The following POU6F2 variants were observed in gnomAD, a reference collection of about 807,000 sequenced individuals.
The protein encoded by POU6F2 is POU domain, class 6, transcription factor 2.
A neutral mutation model predicts 71.3 loss-of-function variants in POU6F2; 31 were observed. That is an observed-to-expected ratio of 0.43 (90% CI 0.33 to 0.59). The LOEUF is 0.59. Among genes scored for constraint, POU6F2 ranks in the 20% least tolerant of loss-of-function variants. POU6F2 has a pLI of 0.04. For synonymous variants in POU6F2, 347 were observed against 355.7 expected, an observed-to-expected ratio of 0.98 and a Z score of 0.27; for missense variants, 783 against 856.8, an observed-to-expected ratio of 0.91 and a Z score of 1.07.
chr7:38,994,173 A>T (rs1788678965), intron 1 of POU6F2, among the ~76,000 whole-genome samples: 1 of 152,144 alleles, frequency 6.6e-6, no homozygotes, highest in African/African-American at 2.4e-5. Flanking sequence ...GATGTGCCTG[A>T]GTGAATAAAC....
chr7:39,071,017 CTG>C (rs1196483412), intron 1 of POU6F2, among the ~76,000 whole-genome samples: 18 of 152,088 alleles, frequency 1.2e-4, no homozygotes, highest in African/African-American at 4.3e-4. Flanking sequence ...TTTCCATAGA[CTG>C]AGGACAGTTT....
At chr7:39,181,698 C>A (rs1270922797) in intron 2 of POU6F2, among the ~76,000 whole-genome samples, 1 of 152,170 alleles carries the variant, frequency 6.6e-6, no homozygotes, top group Non-Finnish European at 1.5e-5. Flanking sequence ...TAAAACGTCA[C>A]AACCACCCCT....
intron 4 of POU6F2, among the ~76,000 whole-genome samples, chr7:39,290,718 C>A (rs1458250424): frequency 2.0e-5 from 3 of 152,312 alleles, no homozygotes; most frequent in Admixed American, 1.3e-4. Context: ...TTTGCAACCT[C>A]CTGAGATGCT....
intron 1 of POU6F2, among the ~76,000 whole-genome samples, chr7:39,047,193 C>A (rs756938328): frequency 6.6e-6 from 1 of 151,808 alleles, no homozygotes; most frequent in Non-Finnish European, 1.5e-5. Flanking sequence ...TCCAGGCTCT[C>A]TGCATTTATG....
At position 39,460,645 on chromosome 7, in the gene POU6F2, AC is replaced by A. The variant is rs1227587540; in HGVS notation, c.1591del (p.Gln531ArgfsTer27). On this transcript the variant is annotated frameshift_variant, in exon 9 of 10. Transcript: ENST00000518318. LOFTEE classifies it high-confidence loss of function. This position sits in a 1 kb window ranked among gnomAD's most constrained non-coding sequence, Gnocchi z 4.4. ...AATCCGGCGCCTGTCCCTTGGCCTG[AC>A]CCAGACTCAGGTGGGACAGGCTCTC... The part of the protein sequence containing the change: ...FKIRRLSLGL[T>X]QTQVGQALSA... 1 of 1,609,626 alleles carries A rather than the reference AC, an allele frequency of 6.2e-7. No individual in the cohort carries two copies. The highest frequency in any genetic ancestry group is 8.5e-7 in the Non-Finnish European group (1 of 1,177,984).
At chr7:39,455,322 G>A (rs537497226) in intron 8 of POU6F2, among the ~76,000 whole-genome samples, 2 of 152,180 alleles carry the variant, frequency 1.3e-5, no homozygotes, top group South Asian at 2.1e-4. Flanking sequence ...AAACTATAAA[G>A]TGAACTTAAA....
chr7:39,392,761 A>T (rs1787099191), intron 5 of POU6F2, among the ~76,000 whole-genome samples: 1 of 152,234 alleles, frequency 6.6e-6, no homozygotes, highest in Non-Finnish European at 1.5e-5. Context: ...GGAGCTGCTG[A>T]TGCAGGAAGA....
chr7:39,201,655 A>G (rs1793905273), intron 2 of POU6F2, among the ~76,000 whole-genome samples: 2 of 152,188 alleles, frequency 1.3e-5, no homozygotes, highest in Non-Finnish European at 2.9e-5. Context: ...GAGATGTAAC[A>G]TGTTTCCTAG....
At chr7:39,346,107 ACT>A (rs1562798343) in intron 5 of POU6F2, among the ~76,000 whole-genome samples, 1 of 151,910 alleles carries the variant, frequency 6.6e-6, no homozygotes, top group Non-Finnish European at 1.5e-5. Flanking sequence ...CCTTTAAAAA[ACT>A]CTCAGTTCAA....
At chr7:39,076,660 T>G (rs926735472) in intron 1 of POU6F2, among the ~76,000 whole-genome samples, 1 of 152,146 alleles carries the variant, frequency 6.6e-6, no homozygotes, top group Non-Finnish European at 1.5e-5. Flanking sequence ...CACTAAAGAC[T>G]CCATGTAAAA....
At chr7:39,106,641 T>C (rs1367449679) in intron 2 of POU6F2, among the ~76,000 whole-genome samples, 2 of 152,264 alleles carry the variant, frequency 1.3e-5, no homozygotes, top group East Asian at 3.8e-4. Context: ...ATGTTTAAAA[T>C]TGAACATTTT....
intron 4 of POU6F2, among the ~76,000 whole-genome samples, chr7:39,254,066 G>C (rs1216270011): frequency 6.6e-6 from 1 of 152,064 alleles, no homozygotes; most frequent in Non-Finnish European, 1.5e-5. Flanking sequence ...ATGCTACCTC[G>C]TGTCATAATT....
intron 2 of POU6F2, among the ~76,000 whole-genome samples, chr7:39,101,000 T>C (rs983822011): frequency 5.9e-5 from 9 of 152,096 alleles, no homozygotes; most frequent in Admixed American, 3.9e-4. Flanking sequence ...TGACCCGCCT[T>C]TCCACACCAT....
chr7:39,426,039 G>A (rs2237395), intron 6 of POU6F2, among the ~76,000 whole-genome samples: 53,949 of 151,962 alleles, frequency 0.36, 10,963 homozygotes, highest in East Asian at 0.61. Context: ...TTAAAACGCC[G>A]TTAGCAGCCC....
intron 2 of POU6F2, among the ~76,000 whole-genome samples, chr7:39,155,623 T>C (rs1477509945): frequency 6.6e-6 from 1 of 152,190 alleles, no homozygotes; most frequent in Non-Finnish European, 1.5e-5. Context: ...TAAACCAGGT[T>C]CATGTGTATT....
intron 1 of POU6F2, among the ~76,000 whole-genome samples, chr7:39,037,222 C>T (rs1441524269): frequency 6.6e-6 from 1 of 152,050 alleles, no homozygotes; most frequent in Non-Finnish European, 1.5e-5. Context: ...CAAAGCATCC[C>T]TGAATGTGCC....
Position 39,158,438 on chromosome 7 carries a change from T to C in POU6F2, c.278-45797T>C, listed in dbSNP as rs138144422. On this transcript the variant is annotated intron_variant, in intron 2 of 9. Transcript: ENST00000518318. ...GGATATAGAGAAAGATAGACATATG[T>C]GGGTGTATTTATTAGGGGGCTTGGA... is the stretch of plus-strand genomic sequence containing the variant. Among the ~76,000 whole-genome samples, 780 of 152,232 alleles carry C rather than the reference T, an allele frequency of 5.1e-3. 8 individuals carry two copies. Among genetic ancestry groups the C allele is most frequent in the African/African-American group, 0.018 (748 of 41,538 alleles).
chr7:39,015,917 A>G lies in POU6F2; in HGVS notation c.105+37859A>G, dbSNP rs866436615. Among the ~76,000 whole-genome samples, 121 of 45,950 alleles carry G rather than the reference A, an allele frequency of 2.6e-3. 2 individuals are homozygous for G. The highest frequency in any genetic ancestry group is 5.5e-3 in the African/African-American group (69 of 12,634). 30.1% of individuals were successfully genotyped at this position (45,950 alleles called of 152,430 possible). On this transcript the variant is annotated intron_variant, in intron 1 of 9. Coordinates refer to ENST00000518318, the MANE Select transcript of POU6F2 (RefSeq NM_001370959.1). ...TATATATAGATATATATTATATATTATATATAGATATATATAATATATAGA... is the reference window on the plus strand; with the variant it reads ...TATATATAGATATATATTATATATTGTATATAGATATATATAATATATAGA...
At chr7:39,025,566 A>T (rs1396036883) in intron 1 of POU6F2, among the ~76,000 whole-genome samples, 1 of 152,086 alleles carries the variant, frequency 6.6e-6, no homozygotes, top group Non-Finnish European at 1.5e-5. Flanking sequence ...CTGAAACTGG[A>T]TCCCTTCCTT....
Sources: gnomAD v4.1 joint callset for allele counts (sites outside exome capture counted in the v4.1 genomes callset) on GRCh38, gnomAD v4.1.1 for gene constraint, Gnocchi (gnomAD v3.1) non-coding constraint, MANE v1.5 for transcripts, NCBI Gene and HGNC (gene_info 2026-07-23, HGNC 2026-07-21) for gene names.